SMC6: variants seen among roughly 807,000 people sequenced by gnomAD.
SMC6 encodes the protein structural maintenance of chromosomes protein 6.
SMC6 carries 79 observed loss-of-function variants against 142.2 expected under a neutral mutation model. The observed-to-expected ratio is 0.56, with a 90% CI of 0.46 to 0.67. The LOEUF (loss-of-function observed/expected upper bound fraction) is 0.67. Ranked by LOEUF, SMC6 falls within the 30% of genes least tolerant of loss-of-function variation. The pLI is 0.00. For missense variants in SMC6, 1,072 were observed against 1,284.0 expected (o/e 0.83, Z 2.52); for synonymous variants, 411 against 412.4 (o/e 1.00, Z 0.04).
At chr2:17,724,762 A>G (rs1011145529) in intron 9 of SMC6, among the ~76,000 whole-genome samples, 2 of 152,348 alleles carry the variant, frequency 1.3e-5, no homozygotes, top group East Asian at 3.9e-4. Context: ...AGCTGCTACT[A>G]ACCTACCAGT....
At chr2:17,747,608 C>T (rs1006945126) in intron 2 of SMC6, among the ~76,000 whole-genome samples, 4 of 151,208 alleles carry the variant, frequency 2.6e-5, no homozygotes, top group African/African-American at 9.7e-5. Flanking sequence ...TGGGTTCAAG[C>T]GATTCTCTTG....
intron 16 of SMC6, among the ~76,000 whole-genome samples, chr2:17,709,043 T>C (rs1486294438): frequency 1.3e-5 from 2 of 152,040 alleles, no homozygotes; most frequent in Non-Finnish European, 2.9e-5. Flanking sequence ...ATAAATAGTA[T>C]TATTCTCTCC....
chr2:17,704,038 A>T (rs1355116112), intron 18 of SMC6, among the ~76,000 whole-genome samples: 1 of 151,928 alleles, frequency 6.6e-6, no homozygotes, highest in Admixed American at 6.6e-5. Context: ...CTTATGACTT[A>T]TGTGTGCCAG....
chr2:17,677,515 G>A (rs908862273), intron 25 of SMC6, among the ~76,000 whole-genome samples: 3 of 152,102 alleles, frequency 2.0e-5, no homozygotes, highest in Admixed American at 6.6e-5. Context: ...GAAAGAAAAC[G>A]TCCAGCAATT....
At position 17,672,394 on chromosome 2, in the gene SMC6, T is replaced by TC. The variant is rs892463956; in HGVS notation, c.2911-1820_2911-1819insG. On this transcript the variant is annotated intron_variant, in intron 25 of 27. Transcript: ENST00000448223. ...TGTTTTGTATAGTTAGCTGTGGAGATAAATTATTCAAGCACTTCTAATACT... is the reference window on the plus strand; with the variant it reads ...TGTTTTGTATAGTTAGCTGTGGAGATCAAATTATTCAAGCACTTCTAATACT... 4.6e-4 allele frequency among the ~76,000 whole-genome samples: 68 copies of TC among 148,624 alleles called. 1 individual carries two copies. Among genetic ancestry groups the TC allele is most frequent in the Admixed American group, 3.8e-3 (55 of 14,662 alleles).
At chr2:17,666,544 T>C (rs201771463) in intron 26 of SMC6, 27 bp from the exon 27 acceptor site, 12 of 1,543,920 alleles carry the variant, frequency 7.8e-6, no homozygotes, top group East Asian at 6.7e-5. Flanking sequence ...AAAGTTAGGA[T>C]TGCTATTGTG....
chr2:17,671,618 A>G (rs1036503151), intron 25 of SMC6, among the ~76,000 whole-genome samples: 3 of 151,130 alleles, frequency 2.0e-5, no homozygotes, highest in Non-Finnish European at 3.0e-5. Context: ...CAAAAAAAAA[A>G]AAAAAAAAAA....
intron 7 of SMC6, among the ~76,000 whole-genome samples, chr2:17,727,938 T>C (rs1192305333): frequency 2.6e-5 from 4 of 152,220 alleles, no homozygotes; most frequent in Admixed American, 6.5e-5. Context: ...ATCTGCCATA[T>C]ATTTTTTCAC....
At chr2:17,676,510 T>A (rs753969862) in intron 25 of SMC6, among the ~76,000 whole-genome samples, 13 of 152,146 alleles carry the variant, frequency 8.5e-5, no homozygotes, top group Admixed American at 1.3e-4. Flanking sequence ...ATTTTCAAAG[T>A]TGTTTTGGCT....
At chr2:17,705,996 T>A (rs1028378487) in intron 18 of SMC6, among the ~76,000 whole-genome samples, 1 of 152,164 alleles carries the variant, frequency 6.6e-6, no homozygotes, top group Non-Finnish European at 1.5e-5. Flanking sequence ...TAACCTAGTA[T>A]TCATTTATAG....
At chr2:17,745,522 G>C (rs59198954) in intron 3 of SMC6, among the ~76,000 whole-genome samples, 12,140 of 151,972 alleles carry the variant, frequency 0.08, 919 homozygotes, top group African/African-American at 0.2. Flanking sequence ...ATGTCTGCAG[G>C]GTCTGTGGAT....
intron 5 of SMC6, among the ~76,000 whole-genome samples, chr2:17,732,518 G>T (rs750055867): frequency 2.1e-4 from 32 of 152,156 alleles, no homozygotes; most frequent in Non-Finnish European, 3.5e-4. Flanking sequence ...GGCCAACACG[G>T]TGAAACCCCA....
intron 26 of SMC6, 47 bp downstream of exon 26, chr2:17,670,376 T>C (rs1231498159): frequency 1.3e-6 from 2 of 1,566,616 alleles, no homozygotes; most frequent in Non-Finnish European, 1.7e-6. Context: ...AATACATGTT[T>C]CAAACAAACA....
intron 25 of SMC6, among the ~76,000 whole-genome samples, chr2:17,671,168 C>T (rs1272764129): frequency 3.3e-5 from 5 of 151,914 alleles, no homozygotes; most frequent in African/African-American, 4.8e-5. Context: ...GCCACCACAC[C>T]TAACCCTGAA....
At position 17,717,163 on chromosome 2, in the gene SMC6, C is replaced by T. The variant is rs149967721; in HGVS notation, c.1106G>A (p.Arg369Gln). The T allele has an allele frequency of 1.1e-5, 18 of 1,607,356 alleles. No individual in the cohort carries two copies. The highest frequency in any genetic ancestry group is 4.0e-5 in the African/African-American group (3 of 74,696). The change falls in exon 13 of 28, where the codon CGA becomes CAA. Residue 369 changes from arginine (R) to glutamine (Q), a missense_variant. Arg to Gln is a conservative substitution (Grantham distance 43). Transcript: ENST00000448223. ...TAATGCTTTATATTCGTTTAAGGAT[C>T]GGTTATATAAAACCTAACCAAAAAA... ...AYNEAEVLYN[R>Q]SLNEYKALKK... is the part of the protein sequence containing the mutation.
At chr2:17,685,655 CAT>C (rs1667420960) in intron 23 of SMC6, among the ~76,000 whole-genome samples, 2 of 151,494 alleles carry the variant, frequency 1.3e-5, no homozygotes, top group Non-Finnish European at 2.9e-5. Context: ...ACTAAAAAAT[CAT>C]AGGTAATTAG....
At chr2:17,696,109 C>A (rs544122661) in intron 22 of SMC6, among the ~76,000 whole-genome samples, 180 bp downstream of exon 22, 1 of 152,270 alleles carries the variant, frequency 6.6e-6, no homozygotes, top group East Asian at 1.9e-4. Context: ...CTATTTAAGT[C>A]CTCACACTCT....
At position 17,725,297 on chromosome 2, in the gene SMC6, G is replaced by C; in HGVS notation, c.686C>G (p.Thr229Arg). Reference sequence around the variant, plus strand: ...TATCTGCTCCTTTGTTCTTTCTTTCGTTTCCATAATGTATGAATAATCTTC... The same window carrying C: ...TATCTGCTCCTTTGTTCTTTCTTTCCTTTCCATAATGTATGAATAATCTTC... The part of the protein sequence containing the change: ...MKEDYSYIME[T>R]KERTKEQIHQ... The change falls in exon 9 of 28, where the codon ACG becomes AGG. Residue 229 changes from threonine (T) to arginine (R), a missense_variant. This residue lies in a region of SMC6 where 994 missense variants were observed against 1,153.2 expected (regional missense o/e 0.86). Transcript: ENST00000448223. 6.2e-7 allele frequency: 1 copy of C among 1,608,028 alleles called. No individual in the cohort carries two copies. The highest frequency in any genetic ancestry group is 8.5e-7 in the Non-Finnish European group (1 of 1,178,390).
intron 21 of SMC6, among the ~76,000 whole-genome samples, chr2:17,699,556 C>A (rs989932436): frequency 2.6e-5 from 4 of 152,074 alleles, no homozygotes; most frequent in Non-Finnish European, 5.9e-5. Context: ...TTTTCCTTCA[C>A]TTTCTAAGAC....
Sources: gnomAD v4.1 joint callset for allele counts (sites outside exome capture counted in the v4.1 genomes callset) on GRCh38, gnomAD v4.1.1 for gene constraint, gnomAD v4.1.1 regional missense constraint, MANE v1.5 for transcripts, NCBI Gene and HGNC (gene_info 2026-07-23, HGNC 2026-07-21) for gene names.